MYCT1: variants seen among roughly 807,000 people sequenced by gnomAD.
MYCT1 encodes myc target protein 1.
A neutral mutation model predicts 15.0 loss-of-function variants in MYCT1; 12 were observed. That is an observed-to-expected ratio of 0.80 (90% CI 0.51 to 1.29). The LOEUF (loss-of-function observed/expected upper bound fraction) is 1.29. Ranked by LOEUF, MYCT1 falls within the 50% of genes most tolerant of loss-of-function variation. MYCT1 has a pLI of 0.00. For synonymous variants in MYCT1, 104 were observed against 102.7 expected, an observed-to-expected ratio of 1.01 and a Z score of -0.07; for missense variants, 287 against 279.1, an observed-to-expected ratio of 1.03 and a Z score of -0.20.
chr6:152,722,355 T>C lies in MYCT1; in HGVS notation c.*102T>C. 8.4e-7 allele frequency: 1 copy of C among 1,184,562 alleles called. No individual in the cohort carries two copies. The highest frequency in any genetic ancestry group is 1.2e-6 in the Non-Finnish European group (1 of 854,222). 73.4% of individuals were successfully genotyped at this position (1,184,562 alleles called of 1,614,324 possible). A position where few individuals can be genotyped will look rare whatever the true frequency, so the allele number is the denominator to read the frequency against. ...ATTTTGAGGGCATGGCCCAAATAAC[T>C]CATGAGTTCCAAGTTGAAACATGGT... On this transcript the variant is annotated 3_prime_UTR_variant, in exon 2 of 2. Transcript: ENST00000367245.
chr6:152,734,125 G>T, the MYCT1 span, among the ~76,000 whole-genome samples: 78 of 151,842 alleles, frequency 5.1e-4, no homozygotes, highest in Non-Finnish European at 1.0e-3. Context: ...ATGAAATGTG[G>T]GATTCAAGAC....
chr6:152,731,387 A>G, the MYCT1 span, among the ~76,000 whole-genome samples: 187 of 152,140 alleles, frequency 1.2e-3, no homozygotes, highest in Non-Finnish European at 2.2e-3. Flanking sequence ...TATTTTTTTT[A>G]TACTTTAAGT....
the MYCT1 span, among the ~76,000 whole-genome samples, chr6:152,742,649 A>G: frequency 6.6e-6 from 1 of 152,200 alleles, no homozygotes; most frequent in Non-Finnish European, 1.5e-5. Context: ...AGTCTATAGA[A>G]GTTGCACAGG....
At chr6:152,704,498 T>C (rs1439687601) in intron 1 of MYCT1, among the ~76,000 whole-genome samples, 3 of 152,192 alleles carry the variant, frequency 2.0e-5, no homozygotes, top group Non-Finnish European at 4.4e-5. Context: ...TACATACTTA[T>C]GGGGTACAGA....
chr6:152,723,638 A>C lies in MYCT1; in HGVS notation c.*1385A>C, dbSNP rs148275618. 6.6e-6 allele frequency: 1 copy of C among 152,318 alleles called. No homozygotes were observed. Among genetic ancestry groups the C allele is most frequent in the East Asian group, 1.9e-4 (1 of 5,180 alleles). 9.4% of individuals were successfully genotyped at this position (152,318 alleles called of 1,614,324 possible). A position where few individuals can be genotyped will look rare whatever the true frequency, so the allele number is the denominator to read the frequency against. ...CTGTACAGTGATTAAGCCATGCCAG[A>C]TGGTCTTTGGTGCACACAGTTATTT... On this transcript the variant is annotated 3_prime_UTR_variant, in exon 2 of 2. Transcript: ENST00000367245.
intron 1 of MYCT1, among the ~76,000 whole-genome samples, chr6:152,701,486 A>T (rs150237991): frequency 1.4e-3 from 207 of 152,324 alleles, no homozygotes; most frequent in African/African-American, 4.8e-3. Context: ...TGATCTAATT[A>T]AGCCTGATCA....
downstream of MYCT1, among the ~76,000 whole-genome samples, chr6:152,727,896 G>A (rs2099725935): frequency 6.6e-6 from 1 of 152,168 alleles, no homozygotes; most frequent in South Asian, 2.1e-4. Flanking sequence ...GGGTGTGGTG[G>A]CTCACGCCTG....
chr6:152,727,227 T>C (rs950065597), downstream of MYCT1, among the ~76,000 whole-genome samples: 1 of 34,420 alleles, frequency 2.9e-5, no homozygotes, highest in Non-Finnish European at 1.3e-4. Flanking sequence ...AAAAAAAAAA[T>C]ATGGAAAGAT....
chr6:152,733,692 G>T, the MYCT1 span, among the ~76,000 whole-genome samples: 1 of 152,188 alleles, frequency 6.6e-6, no homozygotes, highest in South Asian at 2.1e-4. Context: ...TGACTGTTAG[G>T]CTGTTGGTTT....
At chr6:152,739,109 A>G in the MYCT1 span, among the ~76,000 whole-genome samples, 19 of 152,082 alleles carry the variant, frequency 1.2e-4, no homozygotes, top group African/African-American at 4.3e-4. Flanking sequence ...CTTTTAAAAA[A>G]ATAAAATTAT....
At chr6:152,735,472 G>C in the MYCT1 span, among the ~76,000 whole-genome samples, 1 of 151,988 alleles carries the variant, frequency 6.6e-6, no homozygotes, top group African/African-American at 2.4e-5. Flanking sequence ...TACCGAATTG[G>C]ATCACCATAT....
In MYCT1 at chr6:152,722,240, T is replaced by C; in HGVS notation, c.695T>C (p.Phe232Ser). The change falls in exon 2 of 2, where the codon TTC (phenylalanine) becomes TCC (serine). Residue 232 changes from phenylalanine to serine, a missense_variant. By Grantham distance (155) the Phe-to-Ser change is radical (BLOSUM62 -2). Coordinates refer to ENST00000367245, the MANE Select transcript of MYCT1 (RefSeq NM_025107.3). ...GCCTATGAGTCCATCATCAAGGCAT[T>C]CCCAGATTCCTGAGTAGGGTGGCTT... ...PPAYESIIKAFPDS is the reference protein window; with the variant it reads ...PPAYESIIKASPDS The C allele has an allele frequency of 1.2e-6, 2 of 1,610,550 alleles. No homozygotes were observed. The highest frequency in any genetic ancestry group is 8.5e-7 in the Non-Finnish European group (1 of 1,178,198).
intron 1 of MYCT1, among the ~76,000 whole-genome samples, chr6:152,706,506 T>C (rs1257399455): frequency 1.3e-5 from 2 of 152,144 alleles, no homozygotes; most frequent in African/African-American, 4.8e-5. Flanking sequence ...TTAAGCAGCC[T>C]TTCTGTGGAG....
chr6:152,712,734 A>T (rs182990196), intron 1 of MYCT1, among the ~76,000 whole-genome samples: 2 of 152,272 alleles, frequency 1.3e-5, no homozygotes, highest in East Asian at 1.9e-4. Context: ...CAGCTTTTTT[A>T]AAATCACTTT....
At chr6:152,730,785 A>C in the MYCT1 span, among the ~76,000 whole-genome samples, 1 of 152,224 alleles carries the variant, frequency 6.6e-6, no homozygotes, top group African/African-American at 2.4e-5. Flanking sequence ...TTAGGTCACA[A>C]TAACTTGCTG....
the MYCT1 span, among the ~76,000 whole-genome samples, chr6:152,738,118 A>G: frequency 6.6e-6 from 1 of 152,082 alleles, no homozygotes; most frequent in African/African-American, 2.4e-5. Flanking sequence ...AAAAACAGCT[A>G]TATAAACACA....
chr6:152,704,212 G>T (rs1470261943), intron 1 of MYCT1, among the ~76,000 whole-genome samples: 1 of 151,918 alleles, frequency 6.6e-6, no homozygotes, highest in Admixed American at 6.6e-5. Flanking sequence ...ATGTTGCCCA[G>T]ACTAGTCTCA....
rs1030317822 is a variant in MYCT1, at chr6:152,722,721, T to C, written c.*468T>C. 2 of 381,466 alleles carry C rather than the reference T, an allele frequency of 5.2e-6. No homozygotes were observed. Among genetic ancestry groups the C allele is most frequent in the African/African-American group, 4.3e-5 (2 of 46,984 alleles). 23.6% of individuals were successfully genotyped at this position (381,466 alleles called of 1,614,324 possible). On this transcript the variant is annotated 3_prime_UTR_variant, in exon 2 of 2. Transcript: ENST00000367245. ...GAATGACAAGTGAATCATATTGACATTTTACAATCTTAGATTTTTCTTTTT... is the reference window on the plus strand; with the variant it reads ...GAATGACAAGTGAATCATATTGACACTTTACAATCTTAGATTTTTCTTTTT...
chr6:152,738,157 A>G, the MYCT1 span, among the ~76,000 whole-genome samples: 363 of 152,212 alleles, frequency 2.4e-3, 3 homozygotes, highest in African/African-American at 8.5e-3. Context: ...AATTCTGTAA[A>G]AGCATGGAAA....
Sources: allele counts gnomAD v4.1 joint callset (sites outside exome capture counted in the v4.1 genomes callset), GRCh38; gene constraint gnomAD v4.1.1; transcripts MANE v1.5; gene names NCBI Gene and HGNC (gene_info 2026-07-23, HGNC 2026-07-21).